LRP1: variants seen among roughly 807,000 people sequenced by gnomAD.
LRP1 encodes the protein prolow-density lipoprotein receptor-related protein 1.
LRP1 carries 51 observed loss-of-function variants against 541.5 expected under a neutral mutation model. The ratio of observed to expected loss-of-function variants is 0.09; its 90% confidence interval spans 0.08 to 0.12. The LOEUF (loss-of-function observed/expected upper bound fraction) is 0.12, where lower values mean the gene tolerates loss of function less well. Ranked by LOEUF, LRP1 falls within the 10% of genes least tolerant of loss-of-function variation. The pLI is 1.00. For synonymous variants in LRP1, 2,219 were observed against 2,470.8 expected, an observed-to-expected ratio of 0.90 and a Z score of 3.02; for missense variants, 3,878 against 6,376.2, an observed-to-expected ratio of 0.61 and a Z score of 13.34.
rs750633008 is a variant in LRP1, at chr12:57,191,488, G to A, written c.7405G>A (p.Ala2469Thr). The change falls in exon 44 of 89, where the codon GCC becomes ACC. Residue 2469 changes from alanine to threonine, a missense_variant. Coordinates refer to ENST00000243077, the MANE Select transcript of LRP1 (RefSeq NM_002332.3). ...CCCCCAGCAGCCCATGGGCATCATC[G>A]CCGTGGCCAACGACACCAACAGCTG... ...DIPQQPMGIIAVANDTNSCEL... is the reference protein window; with the variant it reads ...DIPQQPMGIITVANDTNSCEL... The A allele has an allele frequency of 1.3e-6, 2 of 1,597,816 alleles. No individual in the cohort carries two copies. Among genetic ancestry groups the A allele is most frequent in the Non-Finnish European group, 1.7e-6 (2 of 1,168,490 alleles).
chr12:57,180,921 C>T (rs2036152265), intron 33 of LRP1, 114 bp downstream of exon 33: 2 of 1,404,574 alleles, frequency 1.4e-6, no homozygotes, highest in Non-Finnish European at 9.8e-7. Context: ...CTGTACCCAC[C>T]ACCCAAAGGG....
intron 42 of LRP1, among the ~76,000 whole-genome samples, chr12:57,188,551 T>C (rs2136715563): frequency 6.6e-6 from 1 of 152,252 alleles, no homozygotes; most frequent in Non-Finnish European, 1.5e-5. Context: ...CTGCCTCACC[T>C]GTCTGGGGAT....
intron 44 of LRP1, among the ~76,000 whole-genome samples, chr12:57,192,456 C>G (rs2036433871): frequency 6.6e-6 from 1 of 152,158 alleles, no homozygotes; most frequent in Non-Finnish European, 1.5e-5. Flanking sequence ...GTGCACGTGC[C>G]CTCAGTGGGC....
Position 57,145,008 on chromosome 12 carries a change from A to G in LRP1, c.485A>G (p.Gln162Arg). The part of the protein sequence containing the change: ...DECSVYGTCS[Q>R]LCTNTDGSFI... Reference sequence around the variant, plus strand: ...TGCTCAGTGTACGGCACCTGCAGCCAGCTATGCACCAACACAGACGGCTCC... The same window carrying G: ...TGCTCAGTGTACGGCACCTGCAGCCGGCTATGCACCAACACAGACGGCTCC... The change falls in exon 5 of 89, where the codon CAG (glutamine) becomes CGG (arginine). Residue 162 changes from glutamine to arginine, a missense_variant. Physicochemically the swap from Gln to Arg is conservative, Grantham distance 43. Around this residue, in one of 13 missense-constraint regions of LRP1, gnomAD observed 293 missense variants for 403.7 expected, o/e 0.73. Transcript: ENST00000243077. The G allele has an allele frequency of 6.2e-7, 1 of 1,614,174 alleles. No homozygotes were observed.
chr12:57,203,255 G>A lies in LRP1; in HGVS notation c.10786G>A (p.Gly3596Arg). The A allele has an allele frequency of 6.2e-7, 1 of 1,611,448 alleles. No individual in the cohort carries two copies. The highest frequency in any genetic ancestry group is 8.5e-7 in the Non-Finnish European group (1 of 1,178,714). The change falls in exon 69 of 89, where the codon GGA becomes AGA. Residue 3596 changes from glycine to arginine, a missense_variant. By Grantham distance (125) the Gly-to-Arg change is moderately radical (BLOSUM62 -2). Around this residue, in one of 13 missense-constraint regions of LRP1, gnomAD observed 278 missense variants for 536.3 expected, o/e 0.52. Transcript: ENST00000243077. ...RCIAGRWKCD[G>R]DHDCADGSDE... is the part of the protein sequence containing the mutation. ...CATCGCGGGGCGCTGGAAATGCGAT[G>A]GAGACCACGACTGCGCGGACGGCTC...
In LRP1 at chr12:57,138,508, C is replaced by A; in HGVS notation, c.117C>A (p.Thr39=). The A allele has an allele frequency of 2.5e-6, 4 of 1,614,070 alleles. No individual in the cohort carries two copies. Among genetic ancestry groups the A allele is most frequent in the Non-Finnish European group, 1.7e-6 (2 of 1,179,972 alleles). The change falls in exon 2 of 89, where the codon ACC becomes ACA. Residue 39 remains threonine, a synonymous_variant. Coordinates refer to ENST00000243077, the MANE Select transcript of LRP1 (RefSeq NM_002332.3). ...AGTTTGCCTGCAGAGATCAAATAACCTGTATCTCAAAGGGCTGGCGGTGCG... is the reference window on the plus strand; with the variant it reads ...AGTTTGCCTGCAGAGATCAAATAACATGTATCTCAAAGGGCTGGCGGTGCG... The part of the protein sequence containing the change: ...PKQFACRDQI[T]CISKGWRCDG...
chr12:57,148,060 A>G (rs971392071), intron 6 of LRP1, among the ~76,000 whole-genome samples: 5 of 152,198 alleles, frequency 3.3e-5, no homozygotes, highest in African/African-American at 1.2e-4. Flanking sequence ...AGAGAAGGCA[A>G]GACCCTTGGC....
intron 1 of LRP1, among the ~76,000 whole-genome samples, chr12:57,129,947 C>T (rs1449717621): frequency 6.6e-6 from 1 of 152,162 alleles, no homozygotes; most frequent in Non-Finnish European, 1.5e-5. Context: ...TGCACCCCTC[C>T]AAGCCCAAAA....
intron 43 of LRP1, 137 bp downstream of exon 43, chr12:57,191,146 C>T: frequency 2.7e-6 from 3 of 1,120,908 alleles, no homozygotes; most frequent in South Asian, 1.5e-5. Flanking sequence ...GCCCCAGCCT[C>T]GGTCAACCCC....
rs150463798 is a variant in LRP1, at chr12:57,162,967, C to T, written c.2514C>T (p.Asp838=). ...ACAEDQVLDA[D]GVTCLANPSY... ...CTGAGGACCAGGTGTTGGACGCAGACGGCGTCACTTGCTTGGGTATGAGGT... is the reference window on the plus strand; with the variant it reads ...CTGAGGACCAGGTGTTGGACGCAGATGGCGTCACTTGCTTGGGTATGAGGT... Residue 838 remains aspartate (D), a synonymous_variant, in exon 15 of 89, where the codon GAC becomes GAT. Transcript: ENST00000243077. The surrounding 1 kb of genome is among the most constrained non-coding windows in gnomAD (Gnocchi z 5.2). 2.1e-5 allele frequency: 33 copies of T among 1,603,810 alleles called. No homozygotes were observed. The highest frequency in any genetic ancestry group is 1.2e-4 in the Admixed American group (7 of 58,986).
At position 57,169,156 on chromosome 12, in the gene LRP1, C is replaced by T. The variant is rs376320670; in HGVS notation, c.3012C>T (p.Asp1004=). ...WRCDNDNDCG[D]NSDEAGCSHS... is the part of the protein sequence containing the mutation. The stretch of plus-strand genomic sequence containing the variant: ...CACCGCCAGACAATGACTGTGGGGA[C>T]AACAGTGACGAAGCCGGCTGCAGCC... The change falls in exon 20 of 89, where the codon GAC becomes GAT. Residue 1004 remains aspartate (D), a synonymous_variant. Coordinates refer to ENST00000243077, the MANE Select transcript of LRP1 (RefSeq NM_002332.3). The T allele has an allele frequency of 6.2e-7, 1 of 1,610,952 alleles. No homozygotes were observed. Among genetic ancestry groups the T allele is most frequent in the Non-Finnish European group, 8.5e-7 (1 of 1,177,440 alleles).
chr12:57,167,580 A>T, intron 19 of LRP1, 56 bp downstream of exon 19: 1 of 1,457,500 alleles, frequency 6.9e-7, no homozygotes, highest in Non-Finnish European at 9.6e-7. Context: ...GGCTACAGCC[A>T]GGCCCTCCAG....
At position 57,205,122 on chromosome 12, in the gene LRP1, C is replaced by G; in HGVS notation, c.11208C>G (p.Ala3736=). ...TDEEDCEPPT[A]HTTHCKDKKE... Reference sequence around the variant, plus strand: ...TGCCCTCCTCAGAGCCCCCCACAGCCCACACCACCCACTGCAAAGACAAGA... The same window carrying G: ...TGCCCTCCTCAGAGCCCCCCACAGCGCACACCACCCACTGCAAAGACAAGA... The change falls in exon 73 of 89, where the codon GCC becomes GCG. Residue 3736 remains alanine, a synonymous_variant. Coordinates refer to ENST00000243077, the MANE Select transcript of LRP1 (RefSeq NM_002332.3). The surrounding 1 kb of genome is among the most constrained non-coding windows in gnomAD (Gnocchi z 4.6). 6.2e-7 allele frequency: 1 copy of G among 1,613,720 alleles called. No homozygotes were observed. Among genetic ancestry groups the G allele is most frequent in the Non-Finnish European group, 8.5e-7 (1 of 1,179,878 alleles).
Position 57,205,271 on chromosome 12 carries a change from G to C in LRP1, c.11335+22G>C. The C allele has an allele frequency of 6.2e-7, 1 of 1,603,972 alleles. No individual in the cohort carries two copies. The highest frequency in any genetic ancestry group is 8.5e-7 in the Non-Finnish European group (1 of 1,173,416). On this transcript the variant is annotated intron_variant, in intron 73 of 88. Transcript: ENST00000243077. This position sits in a 1 kb window ranked among gnomAD's most constrained non-coding sequence, Gnocchi z 4.6. Reference sequence around the variant, plus strand: ...ATCGGTGAGGCCCGGCAGCGGACCGGACGCTGGTGGGGAGTGGGGAGAGCC... The same window carrying C: ...ATCGGTGAGGCCCGGCAGCGGACCGCACGCTGGTGGGGAGTGGGGAGAGCC...
intron 17 of LRP1, among the ~76,000 whole-genome samples, chr12:57,166,696 A>G (rs367844920): frequency 8.5e-5 from 13 of 152,300 alleles, no homozygotes; most frequent in African/African-American, 3.1e-4. Context: ...ATAGCTCTAG[A>G]CTGGAGAGGA....
Position 57,210,720 on chromosome 12 carries a change from A to G in LRP1, c.12757A>G (p.Met4253Val). The change falls in exon 83 of 89, where the codon ATG (methionine) becomes GTG (valine). Residue 4253 changes from methionine (M) to valine (V), a missense_variant and splice_region_variant. Physicochemically the swap from Met to Val is conservative, Grantham distance 21. Coordinates refer to ENST00000243077, the MANE Select transcript of LRP1 (RefSeq NM_002332.3). Reference sequence around the variant, plus strand: ...GCTCACACATCCTCTCCCACCAGGCATGCCCACGTGCCGGTGCCCCACGGG... The same window carrying G: ...GCTCACACATCCTCTCCCACCAGGCGTGCCCACGTGCCGGTGCCCCACGGG... ...GGTCAASPSG[M>V]PTCRCPTGFT... is the part of the protein sequence containing the mutation. The G allele has an allele frequency of 1.2e-6, 2 of 1,608,000 alleles. No homozygotes were observed. Among genetic ancestry groups the G allele is most frequent in the South Asian group, 1.1e-5 (1 of 90,880 alleles).
intron 42 of LRP1, 128 bp downstream of exon 42, chr12:57,187,584 T>C: frequency 1.1e-6 from 1 of 891,604 alleles, no homozygotes; most frequent in East Asian, 2.7e-5. Context: ...CCTTCCCTGC[T>C]GTGTGATCTG....
chr12:57,184,264 G>A lies in LRP1; in HGVS notation c.6059+50G>A. The A allele has an allele frequency of 6.2e-7, 1 of 1,613,786 alleles. No homozygotes were observed. The highest frequency in any genetic ancestry group is 8.5e-7 in the Non-Finnish European group (1 of 1,179,684). Reference sequence around the variant, plus strand: ...TGTCATTCTGCCCATGGCCCATGCTGATGAGGCCCTGTCTCCTCCAGGGTC... The same window carrying A: ...TGTCATTCTGCCCATGGCCCATGCTAATGAGGCCCTGTCTCCTCCAGGGTC... On this transcript the variant is annotated intron_variant, in intron 37 of 88. Coordinates refer to ENST00000243077, the MANE Select transcript of LRP1 (RefSeq NM_002332.3). The surrounding 1 kb of genome is among the most constrained non-coding windows in gnomAD (Gnocchi z 7.8).
At chr12:57,175,887 C>T (rs752639232) in intron 23 of LRP1, 22 bp from the exon 24 acceptor site, 12 of 1,612,726 alleles carry the variant, frequency 7.4e-6, no homozygotes, top group Non-Finnish European at 1.0e-5. Context: ...TTGCTGACCC[C>T]ATCACATCCC....
Sources: gnomAD v4.1 joint callset for allele counts (sites outside exome capture counted in the v4.1 genomes callset) on GRCh38, gnomAD v4.1.1 for gene constraint, gnomAD v4.1.1 regional missense constraint, Gnocchi (gnomAD v3.1) non-coding constraint, MANE v1.5 for transcripts, NCBI Gene and HGNC (gene_info 2026-07-23, HGNC 2026-07-21) for gene names.